CDYL2: variants seen among roughly 807,000 people sequenced by gnomAD.
CDYL2 encodes the protein chromodomain Y like 2.
CDYL2 carries 23 observed loss-of-function variants against 49.4 expected under a neutral mutation model. The observed-to-expected ratio is 0.47, with a 90% CI of 0.34 to 0.66. CDYL2 has a LOEUF of 0.66. Among genes scored for constraint, CDYL2 ranks in the 30% least tolerant of loss-of-function variants. The probability of loss-of-function intolerance (pLI) is 0.01; values close to 1 mark genes in which losing one functional copy is unlikely to be tolerated. For synonymous variants in CDYL2, 360 were observed against 268.8 expected, an observed-to-expected ratio of 1.34 and a Z score of -3.32; for missense variants, 678 against 656.4, an observed-to-expected ratio of 1.03 and a Z score of -0.36.
At chr16:80,693,759 T>C (rs1471886086) in intron 1 of CDYL2, among the ~76,000 whole-genome samples, 2 of 152,140 alleles carry the variant, frequency 1.3e-5, no homozygotes, top group Non-Finnish European at 2.9e-5. Flanking sequence ...GGTGGATTCA[T>C]GACTGTACAT....
At chr16:80,715,790 T>C (rs945137614) in intron 1 of CDYL2, among the ~76,000 whole-genome samples, 4 of 152,202 alleles carry the variant, frequency 2.6e-5, no homozygotes, top group African/African-American at 9.6e-5. Flanking sequence ...CCTCACTCTC[T>C]GCCCTGCAGC....
At chr16:80,741,378 T>G (rs1905729814) in intron 1 of CDYL2, among the ~76,000 whole-genome samples, 1 of 151,882 alleles carries the variant, frequency 6.6e-6, no homozygotes, top group African/African-American at 2.4e-5. Context: ...ACTTGTGATT[T>G]AGAGACAGAC....
chr16:80,745,596 G>T (rs116461990), intron 1 of CDYL2, among the ~76,000 whole-genome samples: 1 of 152,146 alleles, frequency 6.6e-6, no homozygotes, highest in Non-Finnish European at 1.5e-5. Flanking sequence ...TGTACTGTAG[G>T]AACACAGTGA....
chr16:80,690,089 C>A (rs1279450431), intron 1 of CDYL2, among the ~76,000 whole-genome samples: 1 of 151,004 alleles, frequency 6.6e-6, no homozygotes, highest in Non-Finnish European at 1.5e-5. Flanking sequence ...CCACTGCACT[C>A]TAGCCTAGGA....
At chr16:80,717,201 G>A (rs1407925774) in intron 1 of CDYL2, among the ~76,000 whole-genome samples, 1 of 152,060 alleles carries the variant, frequency 6.6e-6, no homozygotes, top group Non-Finnish European at 1.5e-5. Flanking sequence ...AGACAGCCCT[G>A]CTGACACACA....
chr16:80,738,724 T>C (rs1400925196), intron 1 of CDYL2: 1 of 152,232 alleles, frequency 6.6e-6, no homozygotes, highest in Non-Finnish European at 1.5e-5. Flanking sequence ...ACACTAAAAA[T>C]CACTGACTTG....
chr16:80,647,591 C>A (rs763724285), intron 2 of CDYL2, among the ~76,000 whole-genome samples: 1 of 152,128 alleles, frequency 6.6e-6, no homozygotes, highest in Non-Finnish European at 1.5e-5. Context: ...AAAATAAGAG[C>A]TGTAGACTTG....
At chr16:80,608,706 G>C (rs114553350) in intron 5 of CDYL2, among the ~76,000 whole-genome samples, 1 of 152,166 alleles carries the variant, frequency 6.6e-6, no homozygotes, top group Non-Finnish European at 1.5e-5. Context: ...TGTGACTGCA[G>C]GCTAACATCA....
intron 1 of CDYL2, among the ~76,000 whole-genome samples, chr16:80,785,172 T>A (rs548417087): frequency 6.6e-6 from 1 of 152,158 alleles, no homozygotes; most frequent in Non-Finnish European, 1.5e-5. Context: ...GAAGTGAAAT[T>A]GTTTCTGTTT....
At chr16:80,695,882 C>G (rs1910596616) in intron 1 of CDYL2, among the ~76,000 whole-genome samples, 1 of 152,176 alleles carries the variant, frequency 6.6e-6, no homozygotes. Flanking sequence ...GCTTTAACCT[C>G]CACTACAGAC....
intron 2 of CDYL2, among the ~76,000 whole-genome samples, chr16:80,672,342 CACACACACACAG>C (rs970686319): frequency 8.0e-6 from 1 of 125,084 alleles, no homozygotes; most frequent in African/African-American, 2.6e-5. Context: ...CACACACACA[CACACACACACAG>C]AGAGAGAGAG....
At chr16:80,605,435 C>A (rs1906287192) in intron 6 of CDYL2, among the ~76,000 whole-genome samples, 2 of 147,430 alleles carry the variant, frequency 1.4e-5, no homozygotes, top group Admixed American at 6.8e-5. Flanking sequence ...TAGTATTAAT[C>A]CCACAGTGTT....
At chr16:80,767,203 A>T (rs900474111) in intron 1 of CDYL2, among the ~76,000 whole-genome samples, 3 of 152,200 alleles carry the variant, frequency 2.0e-5, no homozygotes, top group Non-Finnish European at 4.4e-5. Flanking sequence ...GCAAATATGT[A>T]GACAGATTTT....
At chr16:80,768,936 G>C (rs1038659231) in intron 1 of CDYL2, among the ~76,000 whole-genome samples, 1 of 152,158 alleles carries the variant, frequency 6.6e-6, no homozygotes, top group Non-Finnish European at 1.5e-5. Flanking sequence ...ATTGTTATTA[G>C]TATTATATTA....
chr16:80,773,967 G>A (rs1906995355), intron 1 of CDYL2, among the ~76,000 whole-genome samples: 1 of 152,106 alleles, frequency 6.6e-6, no homozygotes, highest in African/African-American at 2.4e-5. Flanking sequence ...AAGCAAGGAA[G>A]AGAATATTAA....
intron 1 of CDYL2, among the ~76,000 whole-genome samples, chr16:80,733,968 G>A (rs567739786): frequency 6.6e-6 from 1 of 152,232 alleles, no homozygotes; most frequent in East Asian, 1.9e-4. Flanking sequence ...GACCCACAAG[G>A]CCTTTCAGAA....
At chr16:80,798,999 C>T (rs1907847548) in intron 1 of CDYL2, among the ~76,000 whole-genome samples, 1 of 151,680 alleles carries the variant, frequency 6.6e-6, no homozygotes, top group Admixed American at 6.6e-5. Context: ...TGAGAAAATG[C>T]TTACCTACAT....
chr16:80,638,378 A>G (rs1181570097), intron 2 of CDYL2, among the ~76,000 whole-genome samples: 5 of 152,156 alleles, frequency 3.3e-5, no homozygotes, highest in Non-Finnish European at 7.4e-5. Context: ...CTTCGCCAAG[A>G]CTCAATATTT....
At chr16:80,652,747 C>T (rs187909579) in intron 2 of CDYL2, among the ~76,000 whole-genome samples, 28 of 152,318 alleles carry the variant, frequency 1.8e-4, no homozygotes, top group Admixed American at 5.2e-4. Flanking sequence ...GAGAATGGCA[C>T]TTACCCTCTG....
Sources: gnomAD v4.1 joint callset for allele counts (sites outside exome capture counted in the v4.1 genomes callset) on GRCh38, gnomAD v4.1.1 for gene constraint, MANE v1.5 for transcripts, NCBI Gene and HGNC (gene_info 2026-07-23, HGNC 2026-07-21) for gene names.